Variants in SEMA4D observed in about 807,000 individuals in gnomAD.
SEMA4D encodes the protein semaphorin 4D.
A neutral mutation model predicts 74.8 loss-of-function variants in SEMA4D; 22 were observed. That is an observed-to-expected ratio of 0.29 (90% CI 0.21 to 0.42). SEMA4D has a LOEUF of 0.42. SEMA4D is among the 10% of genes least tolerant of loss of function. SEMA4D has a pLI of 1.00. For missense variants in SEMA4D, 937 were observed against 1,118.4 expected (o/e 0.84, Z 2.31); for synonymous variants, 445 against 463.7 (o/e 0.96, Z 0.52).
rs1176390103 is a variant in SEMA4D, at chr9:89,396,737, C to T, written c.414G>A (p.Leu138=). ...TNAFQPACDH[L]NLTSFKFLGK... Reference sequence around the variant, plus strand: ...ACAGGGAGGTGCCCATCAGCCTTACCAGGTGGTCACAGGCCGGCTGGAATG... The same window carrying T: ...ACAGGGAGGTGCCCATCAGCCTTACTAGGTGGTCACAGGCCGGCTGGAATG... The change falls in exon 6 of 16, where the codon CTG becomes CTA. Residue 138 remains leucine, a splice_region_variant and synonymous_variant. Transcript: ENST00000422704. 6.2e-7 allele frequency: 1 copy of T among 1,612,644 alleles called. No individual in the cohort carries two copies. Among genetic ancestry groups the T allele is most frequent in the Admixed American group, 1.7e-5 (1 of 59,904 alleles).
rs1230506101 is a variant in SEMA4D at position 89,391,332 on chromosome 9, TGAA to T, written c.703_705del (p.Phe235del). 8 of 1,614,086 alleles carry T rather than the reference TGAA, an allele frequency of 5.0e-6. No homozygotes were observed. Among genetic ancestry groups the T allele is most frequent in the African/African-American group, 4.0e-5 (3 of 74,934 alleles). On this transcript the variant is annotated inframe_deletion, in exon 9 of 16. Transcript: ENST00000422704. ...AACTCATACTCCACAGACACCTCCG[TGAA>T]GAAGAAGTAGACCCTGTCATCCTCG...
chr9:89,443,099 T>C (rs951410999), intron 2 of SEMA4D, among the ~76,000 whole-genome samples: 1 of 152,062 alleles, frequency 6.6e-6, no homozygotes, highest in African/African-American at 2.4e-5. Flanking sequence ...GCGGCTCTTC[T>C]CCCCAGGAGG....
rs149726529 is a variant in SEMA4D at position 89,441,799 on chromosome 9, T to G, written c.-244+14089A>C. Among the ~76,000 whole-genome samples, 104 of 152,116 alleles carry G rather than the reference T, an allele frequency of 6.8e-4. No homozygotes were observed. In the East Asian group the frequency reaches 0.019, roughly 28 times the overall value. ...CCCTAACCCCCCTCCCACACTCCCATCCCAGCCCACACTGTTAAACTTCAG... is the reference window on the plus strand; with the variant it reads ...CCCTAACCCCCCTCCCACACTCCCAGCCCAGCCCACACTGTTAAACTTCAG... On this transcript the variant is annotated intron_variant, in intron 2 of 15. Coordinates refer to ENST00000422704, the MANE Select transcript of SEMA4D (RefSeq NM_001371194.2).
At chr9:89,474,175 C>A (rs1861174354) in intron 1 of SEMA4D, among the ~76,000 whole-genome samples, 1 of 152,204 alleles carries the variant, frequency 6.6e-6, no homozygotes. Flanking sequence ...AAGAAACCTC[C>A]CTCCAAAGAT....
At chr9:89,403,125 T>C in intron 3 of SEMA4D, 109 bp from the exon 4 acceptor site, 2 of 1,307,524 alleles carry the variant, frequency 1.5e-6, no homozygotes, top group Non-Finnish European at 2.1e-6. Context: ...TGAGCACGTC[T>C]GGGTGCAGTC....
chr9:89,386,525 C>G, intron 12 of SEMA4D, 43 bp from the exon 13 acceptor site: 3 of 1,396,434 alleles, frequency 2.1e-6, no homozygotes, highest in Non-Finnish European at 3.0e-6. Flanking sequence ...AACCCAGACA[C>G]AGAAACCAAG....
downstream of SEMA4D, among the ~76,000 whole-genome samples, chr9:89,375,656 TTCTG>T (rs943770323): frequency 1.3e-5 from 2 of 152,226 alleles, no homozygotes; most frequent in Admixed American, 6.5e-5. Context: ...CTTCCTTTCT[TTCTG>T]TATCTACTGA....
chr9:89,454,366 G>A (rs1222024683), intron 2 of SEMA4D, among the ~76,000 whole-genome samples: 2 of 152,144 alleles, frequency 1.3e-5, no homozygotes, highest in Non-Finnish European at 2.9e-5. Context: ...ACAGAAGGTG[G>A]TGTGGACGTG....
At chr9:89,434,306 C>T (rs968470058) in intron 2 of SEMA4D, among the ~76,000 whole-genome samples, 3 of 152,192 alleles carry the variant, frequency 2.0e-5, no homozygotes, top group African/African-American at 7.2e-5. Flanking sequence ...ACCCTAGAAA[C>T]CTCTAGAAGG....
At chr9:89,362,193 G>A (rs1192074192) in exon 19 of SEMA4D, 7 of 727,428 alleles carry the variant, frequency 9.6e-6, no homozygotes. Flanking sequence ...TTAAGTCTTA[G>A]TTCCTGTCAC....
chr9:89,480,469 G>T (rs1011028378), intron 1 of SEMA4D, among the ~76,000 whole-genome samples: 2 of 152,244 alleles, frequency 1.3e-5, no homozygotes, highest in Non-Finnish European at 2.9e-5. Context: ...GGAGCAGGGG[G>T]TGGCTCTCGT....
chr9:89,486,887 C>T (rs1825240879), intron 1 of SEMA4D, among the ~76,000 whole-genome samples: 1 of 152,100 alleles, frequency 6.6e-6, no homozygotes, highest in Non-Finnish European at 1.5e-5. Context: ...CACTGCACTC[C>T]AGCCTGGACA....
intron 4 of SEMA4D, among the ~76,000 whole-genome samples, chr9:89,400,248 G>A (rs939761658): frequency 6.6e-6 from 1 of 152,204 alleles, no homozygotes; most frequent in African/African-American, 2.4e-5. Context: ...CTTCCAGGGG[G>A]TGGGGGCCTT....
At chr9:89,413,996 G>A (rs749969770) in intron 2 of SEMA4D, among the ~76,000 whole-genome samples, 7 of 152,174 alleles carry the variant, frequency 4.6e-5, no homozygotes, top group Non-Finnish European at 8.8e-5. Flanking sequence ...GTGACTGCTG[G>A]CAAGTGTCCT....
chr9:89,487,895 G>A (rs189548021), intron 1 of SEMA4D, among the ~76,000 whole-genome samples: 41 of 152,322 alleles, frequency 2.7e-4, no homozygotes, highest in Non-Finnish European at 4.4e-4. Context: ...TTGGTCAAGA[G>A]ACCAAATATT....
intron 2 of SEMA4D, among the ~76,000 whole-genome samples, chr9:89,420,758 C>CTCCAAGTTG: frequency 6.6e-6 from 1 of 152,356 alleles, no homozygotes; most frequent in African/African-American, 2.4e-5. Flanking sequence ...GTCCTGGCTT[C>CTCCAAGTTG]TCCAAGTTGT....
chr9:89,450,587 T>G, intron 2 of SEMA4D: 2 of 922,430 alleles, frequency 2.2e-6, no homozygotes, highest in Non-Finnish European at 3.5e-6. Flanking sequence ...CTGACCTCTA[T>G]AAGTCTGAGA....
chr9:89,405,450 T>A lies in SEMA4D; in HGVS notation c.7A>T (p.Met3Leu), dbSNP rs767446286. Residue 3 changes from methionine to leucine, a missense_variant, in exon 3 of 16, where the codon ATG becomes TTG. Coordinates refer to ENST00000422704, the MANE Select transcript of SEMA4D (RefSeq NM_001371194.2). The part of the protein sequence containing the change: MR[M>L]CTPIRGLLMA... ...AGCAGCCCCCTAATGGGGGTGCACA[T>A]CCTCATCAGGTAGAGGCGACCCCAG... 3 of 1,613,564 alleles carry A rather than the reference T, an allele frequency of 1.9e-6. No homozygotes were observed. The African/African-American group carries it at 4.0e-5, about 22-fold the overall frequency.
intron 1 of SEMA4D, among the ~76,000 whole-genome samples, chr9:89,480,828 G>A (rs1824581360): frequency 1.3e-5 from 2 of 152,256 alleles, no homozygotes; most frequent in Non-Finnish European, 2.9e-5. Context: ...AACTGGGGGA[G>A]TGGGCTCCGG....
Sources: allele counts gnomAD v4.1 joint callset (sites outside exome capture counted in the v4.1 genomes callset), GRCh38; gene constraint gnomAD v4.1.1; transcripts MANE v1.5; gene names NCBI Gene and HGNC (gene_info 2026-07-23, HGNC 2026-07-21).